KNTC1: variants seen among roughly 807,000 people sequenced by gnomAD.
KNTC1 encodes the protein kinetochore associated 1, also known as kinetochore-associated protein 1.
A neutral mutation model predicts 314.4 loss-of-function variants in KNTC1; 253 were observed. That is an observed-to-expected ratio of 0.80 (90% CI 0.73 to 0.89). The LOEUF is 0.89. Among genes scored for constraint, KNTC1 ranks in the 40% least tolerant of loss-of-function variants. KNTC1 has a pLI of 0.00. For synonymous variants in KNTC1, 901 were observed against 901.4 expected (o/e 1.00, Z 0.01); for missense variants, 2,475 against 2,572.9 (o/e 0.96, Z 0.82).
At chr12:122,621,834 A>G (rs767226425) in intron 60 of KNTC1, 47 bp from the exon 61 acceptor site, 30 of 1,277,228 alleles carry the variant, frequency 2.3e-5, no homozygotes, top group African/African-American at 3.0e-5. Flanking sequence ...TGCTGTTGGA[A>G]TAAATAATAA....
chr12:122,547,566 C>A (rs774737307), intron 11 of KNTC1, 36 bp downstream of exon 11: 2 of 1,226,424 alleles, frequency 1.6e-6, no homozygotes, highest in Admixed American at 3.6e-5. Flanking sequence ...CATTTCCCTT[C>A]TGTTAGTACC....
intron 26 of KNTC1, among the ~76,000 whole-genome samples, chr12:122,573,493 G>A (rs1023802405): frequency 2.3e-4 from 35 of 152,176 alleles, no homozygotes; most frequent in African/African-American, 7.5e-4. Context: ...GAAAATCTGA[G>A]ACAGTTCTCA....
intron 5 of KNTC1, 98 bp from the exon 6 acceptor site, chr12:122,541,952 T>G (rs1028004658): frequency 8.3e-7 from 1 of 1,207,564 alleles, no homozygotes. Flanking sequence ...GAGGCGGAGG[T>G]TGCAGGGAGC....
chr12:122,620,348 T>C, intron 59 of KNTC1, 131 bp from the exon 60 acceptor site: 1 of 709,950 alleles, frequency 1.4e-6, no homozygotes, highest in South Asian at 1.9e-5. Context: ...TAAGCATATG[T>C]CATGCACCAG....
chr12:122,623,088 G>T (rs1874614412), intron 62 of KNTC1, among the ~76,000 whole-genome samples: 2 of 152,192 alleles, frequency 1.3e-5, no homozygotes, highest in South Asian at 2.1e-4. Context: ...CAATTTCTTG[G>T]AATATGACCT....
At chr12:122,584,560 A>G (rs920032003) in intron 35 of KNTC1, 110 bp downstream of exon 35, 7 of 728,522 alleles carry the variant, frequency 9.6e-6, no homozygotes, top group African/African-American at 1.8e-5. Flanking sequence ...GACTAGAGAT[A>G]GTATCTGCAT....
rs1964081834 is a variant in KNTC1, at chr12:122,562,991, A to G, written c.1604+292A>G. On this transcript the variant is annotated intron_variant, in intron 20 of 63. Coordinates refer to ENST00000333479, the MANE Select transcript of KNTC1 (RefSeq NM_014708.6). Reference sequence around the variant, plus strand: ...GCCACTGCACCCCAGCCTGGGCGACAGAGCAAGACTCGGTCTCAAAAAAAA... The same window carrying G: ...GCCACTGCACCCCAGCCTGGGCGACGGAGCAAGACTCGGTCTCAAAAAAAA... 5.3e-5 allele frequency among the ~76,000 whole-genome samples: 8 copies of G among 151,640 alleles called. No individual in the cohort carries two copies. In the Middle Eastern group the frequency reaches 0.017, roughly 325 times the overall value.
In KNTC1 at chr12:122,534,757, A is replaced by C. The variant is rs1443846623; in HGVS notation, c.223A>C (p.Arg75=). 2 of 1,612,660 alleles carry C rather than the reference A, an allele frequency of 1.2e-6. No individual in the cohort carries two copies. The highest frequency in any genetic ancestry group is 1.7e-6 in the Non-Finnish European group (2 of 1,179,112). ...QSVILLDSIC[R]SLQLHLVFDT... ...AGTGATATTGCTTGACAGTATTTGTAGATCACTTCAATTGCATCTTGTCTT... is the reference window on the plus strand; with the variant it reads ...AGTGATATTGCTTGACAGTATTTGTCGATCACTTCAATTGCATCTTGTCTT... The change falls in exon 3 of 64, where the codon AGA becomes CGA. Residue 75 remains arginine (R), a synonymous_variant. Transcript: ENST00000333479.
intron 1 of KNTC1, among the ~76,000 whole-genome samples, chr12:122,528,709 T>C (rs1300207393): frequency 6.6e-6 from 1 of 152,232 alleles, no homozygotes; most frequent in Non-Finnish European, 1.5e-5. Context: ...TATTTGCATG[T>C]AGCCTAGGAA....
In KNTC1 at chr12:122,615,534, G is replaced by GT. The variant is rs752183399; in HGVS notation, c.6030+14dup. The GT allele has an allele frequency of 2.6e-6, 4 of 1,518,650 alleles. No homozygotes were observed. The highest frequency in any genetic ancestry group is 2.5e-5 in the South Asian group (2 of 80,450). 94.1% of individuals were successfully genotyped at this position (1,518,650 alleles called of 1,614,324 possible). A position where few individuals can be genotyped will look rare whatever the true frequency, so the allele number is the denominator to read the frequency against. On this transcript the variant is annotated intron_variant, in intron 57 of 63. Transcript: ENST00000333479. Reference sequence around the variant, plus strand: ...ATCCATTCTTTATGGCAGGTATGTAGTTTTTTAAAATAAATTTTATTGAAT... The same window carrying GT: ...ATCCATTCTTTATGGCAGGTATGTAGTTTTTTTAAAATAAATTTTATTGAAT...
Position 122,590,781 on chromosome 12 carries a change from T to C in KNTC1, c.4128+46T>C, listed in dbSNP as rs201541621. On this transcript the variant is annotated intron_variant, in intron 41 of 63. Coordinates refer to ENST00000333479, the MANE Select transcript of KNTC1 (RefSeq NM_014708.6). ...CCTTCAATTCTTGAAGTATTCAAGA[T>C]TGGGGGGGAGAAATGAAGTTGGTTT... is the stretch of plus-strand genomic sequence containing the variant. 5.0e-4 allele frequency: 783 copies of C among 1,564,624 alleles called. 3 individuals are homozygous for C. The highest frequency in any genetic ancestry group is 2.4e-3 in the Middle Eastern group (14 of 5,892).
intron 55 of KNTC1, 107 bp from the exon 56 acceptor site, chr12:122,614,884 A>C: frequency 1.4e-6 from 1 of 701,948 alleles, no homozygotes; most frequent in African/African-American, 1.8e-5. Flanking sequence ...CCATCTCAAA[A>C]AAAAAAAAAG....
intron 36 of KNTC1, 53 bp downstream of exon 36, chr12:122,585,043 CT>C (rs111624734): frequency 0.16 from 113,672 of 719,954 alleles, 4 homozygotes; most frequent in East Asian, 0.21. Flanking sequence ...CATTATGCAC[CT>C]TTTTTTTTTT....
At chr12:122,591,229 C>T in intron 41 of KNTC1, 108 bp from the exon 42 acceptor site, 2 of 731,248 alleles carry the variant, frequency 2.7e-6, no homozygotes, top group Non-Finnish European at 2.5e-6. Flanking sequence ...TAACATTCTA[C>T]ACGGTTGATC....
intron 8 of KNTC1, 93 bp downstream of exon 8, chr12:122,544,362 A>G: frequency 1.5e-6 from 1 of 657,884 alleles, no homozygotes; most frequent in South Asian, 1.8e-5. Context: ...ATAATTTGTA[A>G]CATATAACCG....
intron 59 of KNTC1, among the ~76,000 whole-genome samples, 152 bp downstream of exon 59, chr12:122,618,697 CT>C (rs1874067170): frequency 6.6e-6 from 1 of 152,026 alleles, no homozygotes; most frequent in Admixed American, 6.6e-5. Flanking sequence ...GAGATGGAGT[CT>C]TGCTCTGTCA....
intron 12 of KNTC1, among the ~76,000 whole-genome samples, chr12:122,548,505 C>A (rs534353336): frequency 7.9e-5 from 12 of 152,160 alleles, no homozygotes; most frequent in African/African-American, 2.9e-4. Context: ...CCACTGCGCC[C>A]GGCCCAGGAA....
At chr12:122,559,335 G>A (rs1194869260) in intron 18 of KNTC1, among the ~76,000 whole-genome samples, 1 of 151,738 alleles carries the variant, frequency 6.6e-6, no homozygotes, top group South Asian at 2.1e-4. Context: ...GCAAGACTCT[G>A]TCCCAAAAAA....
chr12:122,550,004 A>G (rs1197249384), intron 13 of KNTC1, 140 bp downstream of exon 13: 2 of 557,242 alleles, frequency 3.6e-6, no homozygotes, highest in East Asian at 6.1e-5. Flanking sequence ...TTTCAGGTTT[A>G]TAACTATATT....
Sources: allele counts gnomAD v4.1 joint callset (sites outside exome capture counted in the v4.1 genomes callset), GRCh38; gene constraint gnomAD v4.1.1; transcripts MANE v1.5; gene names NCBI Gene and HGNC (gene_info 2026-07-23, HGNC 2026-07-21).